The following STXBP5L variants were observed in gnomAD, a reference collection of about 807,000 sequenced individuals.
The protein encoded by STXBP5L is syntaxin binding protein 5L.
A neutral mutation model predicts 144.5 loss-of-function variants in STXBP5L; 65 were observed. The observed-to-expected ratio is 0.45, with a 90% CI of 0.37 to 0.55. STXBP5L has a LOEUF of 0.55. Ranked by LOEUF, STXBP5L falls within the 20% of genes least tolerant of loss-of-function variation. STXBP5L has a pLI of 0.00. For missense variants in STXBP5L, 1,298 were observed against 1,405.5 expected (o/e 0.92, Z 1.22); for synonymous variants, 505 against 469.6 (o/e 1.08, Z -0.97).
chr3:121,115,269 C>G (rs1467792144), intron 6 of STXBP5L, among the ~76,000 whole-genome samples: 1 of 152,014 alleles, frequency 6.6e-6, no homozygotes, highest in African/African-American at 2.4e-5. Context: ...AATAATTAAG[C>G]TTTATATCTA....
chr3:121,249,134 T>C (rs900974869), intron 14 of STXBP5L, among the ~76,000 whole-genome samples: 7 of 152,162 alleles, frequency 4.6e-5, no homozygotes, highest in Admixed American at 3.9e-4. Flanking sequence ...TGGTTTCATA[T>C]GAAATTTTGA....
intron 20 of STXBP5L, among the ~76,000 whole-genome samples, chr3:121,348,385 C>T (rs183499843): frequency 3.7e-4 from 56 of 152,124 alleles, no homozygotes; most frequent in African/African-American, 1.2e-3. Context: ...ATTTTTGTGT[C>T]GATGTTCATC....
intron 5 of STXBP5L, among the ~76,000 whole-genome samples, chr3:121,048,532 TTTG>T (rs1235813942): frequency 1.3e-5 from 2 of 152,122 alleles, no homozygotes; most frequent in Admixed American, 6.6e-5. Context: ...TTTTGAGTGT[TTTG>T]TTCATTTTCT....
intron 5 of STXBP5L, among the ~76,000 whole-genome samples, chr3:121,059,126 A>T (rs1200757094): frequency 6.6e-6 from 1 of 152,232 alleles, no homozygotes; most frequent in Non-Finnish European, 1.5e-5. Flanking sequence ...TAAGTCTTCA[A>T]TCCATCTTGA....
intron 3 of STXBP5L, among the ~76,000 whole-genome samples, chr3:121,037,834 T>C (rs964889104): frequency 3.3e-5 from 5 of 152,060 alleles, no homozygotes; most frequent in African/African-American, 1.2e-4. Flanking sequence ...TAGAATTCAG[T>C]TTCATTAATT....
At chr3:121,189,872 C>G (rs1455897681) in intron 9 of STXBP5L, among the ~76,000 whole-genome samples, 2 of 152,040 alleles carry the variant, frequency 1.3e-5, no homozygotes, top group Non-Finnish European at 2.9e-5. Flanking sequence ...TATGTATTCA[C>G]TAACAGTTAT....
chr3:121,327,067 C>A (rs1342788530), intron 20 of STXBP5L, among the ~76,000 whole-genome samples: 1 of 151,990 alleles, frequency 6.6e-6, no homozygotes, highest in Non-Finnish European at 1.5e-5. Flanking sequence ...GATGTAGAAC[C>A]AATGATCTGA....
At chr3:121,087,861 A>G (rs925778541) in intron 5 of STXBP5L, among the ~76,000 whole-genome samples, 2 of 152,042 alleles carry the variant, frequency 1.3e-5, no homozygotes, top group Non-Finnish European at 2.9e-5. Context: ...TGCTATAGGT[A>G]TTTTATTATA....
intron 19 of STXBP5L, among the ~76,000 whole-genome samples, chr3:121,298,220 G>T (rs2051737615): frequency 6.6e-6 from 1 of 152,112 alleles, no homozygotes. Flanking sequence ...TCTCATGGTA[G>T]TTTCAATCTG....
chr3:121,023,260 G>A (rs1012939431), intron 3 of STXBP5L, among the ~76,000 whole-genome samples: 1 of 152,082 alleles, frequency 6.6e-6, no homozygotes, highest in African/African-American at 2.4e-5. Context: ...CAAACAAATG[G>A]ACACCCCTCC....
At position 121,316,364 on chromosome 3, in the gene STXBP5L, A is replaced by T. The variant is rs547243742; in HGVS notation, c.2111-2111A>T. ...ACAGTACAGAAATAGAAAAGATGGT[A>T]TTTTCCAGACAAATGAGCTTAGCTC... On this transcript the variant is annotated intron_variant, in intron 19 of 26. Coordinates refer to ENST00000471454, the MANE Select transcript of STXBP5L (RefSeq NM_001308330.2). Among the ~76,000 whole-genome samples, 29 of 152,288 alleles carry T rather than the reference A, an allele frequency of 1.9e-4. No homozygotes were observed. In the South Asian group the frequency reaches 6.0e-3, roughly 32 times the overall value.
chr3:120,934,461 G>A (rs1287370300), intron 2 of STXBP5L, among the ~76,000 whole-genome samples: 3 of 152,046 alleles, frequency 2.0e-5, no homozygotes, highest in Non-Finnish European at 4.4e-5. Flanking sequence ...AGAAGAATGT[G>A]TGTTCTGCTG....
At chr3:121,320,310 G>T (rs2043928048) in intron 20 of STXBP5L, among the ~76,000 whole-genome samples, 1 of 151,888 alleles carries the variant, frequency 6.6e-6, no homozygotes, top group Non-Finnish European at 1.5e-5. Flanking sequence ...TTTGTGGTTA[G>T]AATATGAAAA....
intron 2 of STXBP5L, among the ~76,000 whole-genome samples, chr3:120,930,109 A>G (rs75179467): frequency 0.013 from 1,965 of 147,502 alleles, 22 homozygotes; most frequent in Non-Finnish European, 0.018. Context: ...ACTTATCCTT[A>G]GTGATTTCTT....
At chr3:121,006,584 C>T (rs1420667144) in intron 3 of STXBP5L, among the ~76,000 whole-genome samples, 2 of 152,126 alleles carry the variant, frequency 1.3e-5, no homozygotes, top group Admixed American at 1.3e-4. Flanking sequence ...TGAATTTGAT[C>T]CTGTCATTAT....
At chr3:121,035,310 T>C (rs963866206) in intron 3 of STXBP5L, among the ~76,000 whole-genome samples, 1 of 152,114 alleles carries the variant, frequency 6.6e-6, no homozygotes, top group African/African-American at 2.4e-5. Flanking sequence ...AAGAGTTTTC[T>C]CAAGTTTTCT....
intron 20 of STXBP5L, among the ~76,000 whole-genome samples, chr3:121,365,145 T>C (rs532703507): frequency 6.6e-6 from 1 of 152,098 alleles, no homozygotes; most frequent in African/African-American, 2.4e-5. Flanking sequence ...ATTAATATGC[T>C]ACTGAATTCT....
chr3:121,339,987 A>G (rs2044648666), intron 20 of STXBP5L, among the ~76,000 whole-genome samples: 1 of 152,156 alleles, frequency 6.6e-6, no homozygotes, highest in Admixed American at 6.6e-5. Context: ...TGCTCAAAGG[A>G]AGCTTCATAT....
At chr3:120,976,147 G>T (rs924170230) in intron 3 of STXBP5L, among the ~76,000 whole-genome samples, 1 of 152,190 alleles carries the variant, frequency 6.6e-6, no homozygotes, top group African/African-American at 2.4e-5. Flanking sequence ...ACCTCGGGTA[G>T]AATTCGGCTG....
Sources: allele counts gnomAD v4.1 joint callset (sites outside exome capture counted in the v4.1 genomes callset), GRCh38; gene constraint gnomAD v4.1.1; transcripts MANE v1.5; gene names NCBI Gene and HGNC (gene_info 2026-07-23, HGNC 2026-07-21).